FAAH2: variants seen among roughly 807,000 people sequenced by gnomAD.
FAAH2 encodes fatty acid amide hydrolase 2, also known as fatty-acid amide hydrolase 2.
Under a neutral mutation model 36.9 loss-of-function variants are expected in FAAH2, and 60 were observed. The ratio of observed to expected loss-of-function variants is 1.63; its 90% CI spans 1.32 to 2.02. The LOEUF is 2.02. Among genes scored for constraint, FAAH2 ranks in the 30% most tolerant of loss-of-function variants. The pLI is 0.00. For synonymous variants in FAAH2, 214 were observed against 143.8 expected, an observed-to-expected ratio of 1.49 and a Z score of -3.49; for missense variants, 689 against 397.5, an observed-to-expected ratio of 1.73 and a Z score of -6.23.
chrX:57,244,814 G>A, the FAAH2 span, among the ~76,000 whole-genome samples: 3 of 111,385 alleles, frequency 2.7e-5, no homozygotes, highest in Non-Finnish European at 5.6e-5. Context: ...TGAAGAAATT[G>A]CATCAATTAA....
the FAAH2 span, among the ~76,000 whole-genome samples, chrX:57,258,808 A>T: frequency 1.3e-4 from 14 of 105,073 alleles, no homozygotes; most frequent in African/African-American, 4.9e-4. Context: ...TCCTGGGTTC[A>T]CGCCATTCTC....
chrX:57,420,876 T>G (rs2056002513), intron 7 of FAAH2, among the ~76,000 whole-genome samples: 1 of 111,920 alleles, frequency 8.9e-6, no homozygotes, highest in South Asian at 3.7e-4. Flanking sequence ...ATAGCTCTTA[T>G]TATTTTGAGA....
At chrX:57,450,312 A>T (rs2056760983) in intron 10 of FAAH2, among the ~76,000 whole-genome samples, 1 of 110,022 alleles carries the variant, frequency 9.1e-6, no homozygotes, top group African/African-American at 3.3e-5. Context: ...AATTCTATAC[A>T]TTATCTCATT....
the FAAH2 span, among the ~76,000 whole-genome samples, chrX:57,251,912 G>A: frequency 5.4e-5 from 6 of 111,797 alleles, no homozygotes; most frequent in African/African-American, 2.0e-4. Context: ...CCTCACCCAG[G>A]AAGTGCAAGG....
chrX:57,384,580 A>T (rs1380518411), intron 7 of FAAH2, among the ~76,000 whole-genome samples: 1 of 111,695 alleles, frequency 9.0e-6, no homozygotes, highest in African/African-American at 3.2e-5. Flanking sequence ...AAAAATACTC[A>T]TCATCACTGG....
the FAAH2 span, among the ~76,000 whole-genome samples, chrX:57,145,047 T>G: frequency 9.0e-6 from 1 of 111,546 alleles, no homozygotes; most frequent in South Asian, 3.7e-4. Flanking sequence ...TGCAGATATC[T>G]TTTTTGTATA....
intron 7 of FAAH2, chrX:57,394,597 G>A (rs1196455985): frequency 3.5e-5 from 41 of 1,170,199 alleles, no homozygotes; most frequent in Non-Finnish European, 4.4e-5. Context: ...TGCTCTGCAT[G>A]AGCATTGCAA....
chrX:57,158,547 G>T, the FAAH2 span, among the ~76,000 whole-genome samples: 19 of 111,809 alleles, frequency 1.7e-4, no homozygotes, highest in Non-Finnish European at 1.9e-5. Context: ...ATTCTAACTG[G>T]TGTGAGATGG....
At chrX:57,300,271 G>C (rs1461969660) in intron 2 of FAAH2, among the ~76,000 whole-genome samples, 1 of 111,045 alleles carries the variant, frequency 9.0e-6, no homozygotes, top group Non-Finnish European at 1.9e-5. Flanking sequence ...ATAGACCAAT[G>C]GAACAAAACA....
intron 9 of FAAH2, 114 bp from the exon 10 acceptor site, chrX:57,448,410 A>T: frequency 1.4e-6 from 1 of 715,406 alleles, no homozygotes; most frequent in Non-Finnish European, 2.0e-6. Context: ...TCCATCACTT[A>T]CTTTCTCAGT....
the FAAH2 span, among the ~76,000 whole-genome samples, chrX:57,266,496 G>A: frequency 1.2e-4 from 14 of 112,622 alleles, no homozygotes; most frequent in African/African-American, 4.5e-4. Flanking sequence ...GAGCCGCCAG[G>A]GGCAACTGAA....
intron 10 of FAAH2, among the ~76,000 whole-genome samples, chrX:57,469,077 C>T (rs1192157405): frequency 1.8e-5 from 2 of 111,699 alleles, no homozygotes; most frequent in Non-Finnish European, 1.9e-5. Flanking sequence ...TAGGCCTGAC[C>T]TACAAGAGCT....
intron 10 of FAAH2, among the ~76,000 whole-genome samples, chrX:57,487,192 A>G (rs1487720066): frequency 1.8e-5 from 2 of 111,282 alleles, no homozygotes; most frequent in Non-Finnish European, 1.9e-5. Context: ...TTTATAAGGA[A>G]ACATGAGTAC....
chrX:57,295,832 C>T (rs760375845), intron 2 of FAAH2, among the ~76,000 whole-genome samples: 58 of 112,600 alleles, frequency 5.2e-4, no homozygotes, highest in Non-Finnish European at 8.4e-4. Context: ...ATCAGAGGGT[C>T]CTACGCCCAC....
the FAAH2 span, among the ~76,000 whole-genome samples, chrX:57,194,262 G>A: frequency 8.1e-5 from 9 of 111,279 alleles, no homozygotes; most frequent in Non-Finnish European, 1.5e-4. Context: ...CAGGTTTAAT[G>A]TATCTAGGAA....
chrX:57,162,399 T>C, the FAAH2 span, among the ~76,000 whole-genome samples: 30 of 111,717 alleles, frequency 2.7e-4, no homozygotes, highest in Non-Finnish European at 3.9e-4. Flanking sequence ...TGTATCTGAA[T>C]GTTGGCCTGT....
chrX:57,292,679 T>G, intron 2 of FAAH2, 99 bp downstream of exon 2: 1 of 664,048 alleles, frequency 1.5e-6, no homozygotes. Context: ...CTTCTTTCTC[T>G]TTGTCCTTCC....
intron 10 of FAAH2, among the ~76,000 whole-genome samples, chrX:57,450,204 G>A (rs777627119): frequency 4.6e-5 from 5 of 109,826 alleles, no homozygotes; most frequent in African/African-American, 6.6e-5. Context: ...TTCCTTGTAA[G>A]CCAGATGATA....
chrX:57,349,142 A>G, intron 5 of FAAH2, among the ~76,000 whole-genome samples: 1 of 84,791 alleles, frequency 1.2e-5, no homozygotes. Context: ...TATATATTAT[A>G]TACATATATA....
Sources: allele counts gnomAD v4.1 joint callset (sites outside exome capture counted in the v4.1 genomes callset), GRCh38; gene constraint gnomAD v4.1.1; transcripts MANE v1.5; gene names NCBI Gene and HGNC (gene_info 2026-07-23, HGNC 2026-07-21).